The following PPP3CA variants were observed in gnomAD, a reference collection of about 807,000 sequenced individuals.
PPP3CA encodes CAM-PRP catalytic subunit.
A neutral mutation model predicts 66.5 loss-of-function variants in PPP3CA; 14 were observed. That is an observed-to-expected ratio of 0.21 (90% confidence interval 0.14 to 0.33). PPP3CA has a LOEUF of 0.33. Among genes scored for constraint, PPP3CA ranks in the 10% least tolerant of loss-of-function variants. The probability of loss-of-function intolerance (pLI) is 1.00; values close to 1 mark genes in which losing one functional copy is unlikely to be tolerated. For missense variants in PPP3CA, 317 were observed against 639.5 expected (o/e 0.50, Z 5.44); for synonymous variants, 232 against 226.2 (o/e 1.03, Z -0.23).
At chr4:101,098,234 G>C in intron 5 of PPP3CA, 133 bp downstream of exon 5, 1 of 953,908 alleles carries the variant, frequency 1.0e-6, no homozygotes, top group Non-Finnish European at 1.4e-6. Flanking sequence ...TAACACAAAG[G>C]AGCGATTCAT....
At chr4:101,031,247 G>A (rs923686281) in intron 12 of PPP3CA, among the ~76,000 whole-genome samples, 3 of 152,036 alleles carry the variant, frequency 2.0e-5, no homozygotes, top group Admixed American at 6.6e-5. Context: ...CTAGGTTGAA[G>A]GGCAGGGACA....
intron 1 of PPP3CA, among the ~76,000 whole-genome samples, chr4:101,338,694 A>T (rs1729714682): frequency 6.6e-6 from 1 of 152,202 alleles, no homozygotes; most frequent in Admixed American, 6.5e-5. Flanking sequence ...CAGGTCTCAA[A>T]GGAGGTAACT....
At chr4:101,282,659 G>A (rs1449618466) in intron 1 of PPP3CA, among the ~76,000 whole-genome samples, 1 of 152,070 alleles carries the variant, frequency 6.6e-6, no homozygotes, top group East Asian at 1.9e-4. Flanking sequence ...CAAAGACTGG[G>A]GTAGAATTAA....
chr4:101,117,701 T>C (rs1394449794), intron 2 of PPP3CA, among the ~76,000 whole-genome samples: 1 of 151,748 alleles, frequency 6.6e-6, no homozygotes, highest in Non-Finnish European at 1.5e-5. Flanking sequence ...TACAAGTAAG[T>C]ATGTATAACA....
At position 101,346,979 on chromosome 4, in the gene PPP3CA, T is replaced by G; in HGVS notation, c.-183A>C. 1 of 646,472 alleles carries G rather than the reference T, an allele frequency of 1.5e-6. No homozygotes were observed. Among genetic ancestry groups the G allele is most frequent in the Non-Finnish European group, 2.6e-6 (1 of 382,340 alleles). 40.0% of individuals were successfully genotyped at this position (646,472 alleles called of 1,614,324 possible). A position where few individuals can be genotyped will look rare whatever the true frequency, so the allele number is the denominator to read the frequency against. On this transcript the variant is annotated 5_prime_UTR_variant, in exon 1 of 14. Transcript: ENST00000394854. ...TGCTGCCTTTTCCGCGCGTCCCTCC[T>G]CCGCCGCCGCCGCCTTCACTCCTCC...
chr4:101,044,770 G>A (rs1334640030), intron 10 of PPP3CA, among the ~76,000 whole-genome samples: 1 of 152,136 alleles, frequency 6.6e-6, no homozygotes, highest in Non-Finnish European at 1.5e-5. Flanking sequence ...CACAGACCAA[G>A]GGGATCTTTA....
intron 2 of PPP3CA, among the ~76,000 whole-genome samples, chr4:101,145,163 A>G (rs1722930397): frequency 6.6e-6 from 1 of 152,192 alleles, no homozygotes; most frequent in Non-Finnish European, 1.5e-5. Flanking sequence ...AAAAATCTTA[A>G]AAGGAAACTT....
chr4:101,266,220 T>C (rs1352129596), intron 1 of PPP3CA, among the ~76,000 whole-genome samples: 1 of 152,180 alleles, frequency 6.6e-6, no homozygotes, highest in Non-Finnish European at 1.5e-5. Flanking sequence ...TCTTATTCTT[T>C]TAACTCTGTC....
chr4:101,031,598 G>A (rs1488800669), intron 12 of PPP3CA, among the ~76,000 whole-genome samples: 4 of 152,052 alleles, frequency 2.6e-5, no homozygotes, highest in Non-Finnish European at 4.4e-5. Flanking sequence ...AGTCATATGC[G>A]GCTTCTGTAT....
intron 2 of PPP3CA, among the ~76,000 whole-genome samples, chr4:101,192,363 A>G (rs1357059492): frequency 6.6e-6 from 1 of 152,098 alleles, no homozygotes; most frequent in East Asian, 1.9e-4. Context: ...CATCTCATCC[A>G]GGACACTATT....
intron 2 of PPP3CA, among the ~76,000 whole-genome samples, chr4:101,123,509 G>GA (rs1431366003): frequency 6.6e-6 from 1 of 152,128 alleles, no homozygotes; most frequent in Non-Finnish European, 1.5e-5. Context: ...TTTAGGTGTG[G>GA]AATGAAAAGA....
At chr4:101,094,827 T>G (rs1730121766) in intron 5 of PPP3CA, among the ~76,000 whole-genome samples, 1 of 152,154 alleles carries the variant, frequency 6.6e-6, no homozygotes, top group Non-Finnish European at 1.5e-5. Flanking sequence ...TTAAAGGATC[T>G]TTGGTGAATC....
intron 1 of PPP3CA, among the ~76,000 whole-genome samples, chr4:101,233,906 T>TC (rs1243110739): frequency 1.3e-5 from 2 of 151,594 alleles, no homozygotes; most frequent in Admixed American, 1.3e-4. Context: ...TCTGATCTTC[T>TC]CCCTCCTCTC....
chr4:101,247,962 A>AAG (rs1346232687), intron 1 of PPP3CA, among the ~76,000 whole-genome samples: 1 of 152,198 alleles, frequency 6.6e-6, no homozygotes, highest in Non-Finnish European at 1.5e-5. Flanking sequence ...ATATATGAGA[A>AAG]AGAGAGAGAG....
chr4:101,135,245 CAA>C lies in PPP3CA; in HGVS notation c.260-26169_260-26168del, dbSNP rs11290239. ...ACAATAAAAAAATTTTAATCCTTCT[CAA>C]AAAAAAAAAAAAATCAATATGTGAG... is the stretch of plus-strand genomic sequence containing the variant. On this transcript the variant is annotated intron_variant, in intron 2 of 13. Transcript: ENST00000394854. Among the ~76,000 whole-genome samples, 1,264 of 142,104 alleles carry C rather than the reference CAA, an allele frequency of 8.9e-3. 14 individuals carry two copies. Among genetic ancestry groups the C allele is most frequent in the African/African-American group, 0.022 (907 of 40,502 alleles). The allele number at this position is 142,104 out of a possible 152,430, so 93.2% of individuals were successfully genotyped here. A position where few individuals can be genotyped will look rare whatever the true frequency, so the allele number is the denominator to read the frequency against.
intron 1 of PPP3CA, among the ~76,000 whole-genome samples, chr4:101,333,474 T>A (rs1729514386): frequency 6.6e-6 from 1 of 151,790 alleles, no homozygotes; most frequent in Non-Finnish European, 1.5e-5. Flanking sequence ...TAATACCTGC[T>A]AAAATTCATA....
At chr4:101,050,911 T>C (rs991670060) in intron 10 of PPP3CA, among the ~76,000 whole-genome samples, 43 of 152,250 alleles carry the variant, frequency 2.8e-4, no homozygotes, top group African/African-American at 9.6e-4. Flanking sequence ...CTCTGTAAAT[T>C]AAATGATGTA....
At chr4:101,268,765 C>T (rs1444443277) in intron 1 of PPP3CA, among the ~76,000 whole-genome samples, 1 of 152,090 alleles carries the variant, frequency 6.6e-6, no homozygotes, top group African/African-American at 2.4e-5. Context: ...ATGTCCAAGA[C>T]TTCTGCGCAC....
intron 1 of PPP3CA, among the ~76,000 whole-genome samples, chr4:101,201,368 T>A (rs1724962433): frequency 1.3e-5 from 2 of 152,246 alleles, no homozygotes; most frequent in African/African-American, 4.8e-5. Context: ...ATTGCTTTTT[T>A]AAAAGATGAT....
Sources: gnomAD v4.1 joint callset for allele counts (sites outside exome capture counted in the v4.1 genomes callset) on GRCh38, gnomAD v4.1.1 for gene constraint, MANE v1.5 for transcripts, NCBI Gene and HGNC (gene_info 2026-07-23, HGNC 2026-07-21) for gene names.